The following CTNNA2 variants were observed in gnomAD, a reference collection of about 807,000 sequenced individuals.
The protein encoded by CTNNA2 is catenin alpha 2, also known as catenin alpha-2.
Under a neutral mutation model 101.0 loss-of-function variants are expected in CTNNA2, and 42 were observed. The ratio of observed to expected loss-of-function variants is 0.42; its 90% CI spans 0.32 to 0.54. The LOEUF (loss-of-function observed/expected upper bound fraction) is 0.54, where lower values mean the gene tolerates loss of function less well. Among genes scored for constraint, CTNNA2 ranks in the 20% least tolerant of loss-of-function variants. The probability of loss-of-function intolerance (pLI) is 0.14; values close to 1 mark genes in which losing one functional copy is unlikely to be tolerated. For synonymous variants in CTNNA2, 450 were observed against 456.4 expected, an observed-to-expected ratio of 0.99 and a Z score of 0.18; for missense variants, 871 against 1,223.1, an observed-to-expected ratio of 0.71 and a Z score of 4.29.
chr2:79,812,858 A>G (rs1574033542), intron 3 of CTNNA2, among the ~76,000 whole-genome samples: 1 of 152,246 alleles, frequency 6.6e-6, no homozygotes, highest in Non-Finnish European at 1.5e-5. Context: ...TAAGTAGGTC[A>G]TGCCAACTTC....
chr2:79,280,380 C>T (rs1385422908), intron 2 of CTNNA2, among the ~76,000 whole-genome samples: 7 of 152,102 alleles, frequency 4.6e-5, no homozygotes, highest in Non-Finnish European at 1.5e-5. Context: ...ACAGCCTTGA[C>T]TGCTGTCTGC....
intron 7 of CTNNA2, among the ~76,000 whole-genome samples, chr2:80,046,044 T>C (rs531187001): frequency 6.6e-5 from 10 of 152,308 alleles, no homozygotes; most frequent in Non-Finnish European, 1.5e-4. Flanking sequence ...AAGGCCAGTG[T>C]CCCACTGCTT....
intron 8 of CTNNA2, among the ~76,000 whole-genome samples, chr2:80,414,823 A>G (rs1164261179): frequency 6.6e-6 from 1 of 152,180 alleles, no homozygotes; most frequent in African/African-American, 2.4e-5. Context: ...GAATTTGACA[A>G]TAGGTCTTCT....
chr2:80,085,635 C>T (rs1285748477), intron 7 of CTNNA2, among the ~76,000 whole-genome samples: 1 of 151,914 alleles, frequency 6.6e-6, no homozygotes, highest in African/African-American at 2.4e-5. Flanking sequence ...GAGGGATTTA[C>T]TAAAGCCATT....
intron 3 of CTNNA2, among the ~76,000 whole-genome samples, chr2:79,759,663 T>C (rs1349396490): frequency 6.6e-6 from 1 of 152,128 alleles, no homozygotes; most frequent in African/African-American, 2.4e-5. Flanking sequence ...CCCTCCCACT[T>C]TTTTCTGGTT....
intron 7 of CTNNA2, among the ~76,000 whole-genome samples, chr2:80,332,523 G>A (rs937565971): frequency 1.3e-5 from 2 of 152,046 alleles, no homozygotes; most frequent in Non-Finnish European, 2.9e-5. Context: ...TAATGCTTCT[G>A]GTAGCAAAAG....
At chr2:80,301,425 C>T (rs1275560327) in intron 7 of CTNNA2, among the ~76,000 whole-genome samples, 1 of 152,174 alleles carries the variant, frequency 6.6e-6, no homozygotes, top group Non-Finnish European at 1.5e-5. Flanking sequence ...GAACAGGTGG[C>T]ATTTGGGGAT....
intron 8 of CTNNA2, among the ~76,000 whole-genome samples, chr2:80,415,335 A>G (rs1679946855): frequency 6.6e-6 from 1 of 152,110 alleles, no homozygotes; most frequent in Non-Finnish European, 1.5e-5. Context: ...GCATGACAAG[A>G]TATTTCAAGC....
chr2:79,653,883 G>T (rs747285592), intron 2 of CTNNA2, among the ~76,000 whole-genome samples: 3 of 152,070 alleles, frequency 2.0e-5, no homozygotes, highest in African/African-American at 7.2e-5. Context: ...GTAGGAATCC[G>T]TCCAGCTGAG....
chr2:80,571,147 C>A (rs1164625142), intron 12 of CTNNA2, among the ~76,000 whole-genome samples: 2 of 152,190 alleles, frequency 1.3e-5, no homozygotes, highest in African/African-American at 4.8e-5. Context: ...ACCTTTTTCA[C>A]CCCTTTATAT....
intron 3 of CTNNA2, among the ~76,000 whole-genome samples, chr2:79,762,307 C>T (rs182658766): frequency 1.3e-5 from 2 of 152,180 alleles, no homozygotes; most frequent in East Asian, 1.9e-4. Context: ...GGCCAAGAGT[C>T]GGGAAAGACA....
intron 1 of CTNNA2, among the ~76,000 whole-genome samples, chr2:79,534,206 A>G (rs926134081): frequency 2.6e-5 from 4 of 152,130 alleles, no homozygotes; most frequent in African/African-American, 9.6e-5. Context: ...CCCAATTGTT[A>G]TCTATATTTA....
chr2:79,930,268 A>G (rs61232798), intron 7 of CTNNA2, among the ~76,000 whole-genome samples: 416 of 9,302 alleles, frequency 0.045, 2 homozygotes, highest in Middle Eastern at 0.1. Context: ...GAAAGAAAGA[A>G]AGAAAGAAAG....
intron 18 of CTNNA2, among the ~76,000 whole-genome samples, chr2:80,642,287 T>TACTTGACTCAAGGTAA: frequency 6.6e-6 from 1 of 152,272 alleles, no homozygotes; most frequent in Non-Finnish European, 1.5e-5. Flanking sequence ...CTCCTATCCC[T>TACTTGACTCAAGGTAA]ACTTGACTCA....
intron 3 of CTNNA2, among the ~76,000 whole-genome samples, chr2:79,772,347 T>G (rs1298169883): frequency 1.3e-5 from 2 of 152,168 alleles, no homozygotes; most frequent in African/African-American, 4.8e-5. Context: ...TGTTGTTTGC[T>G]CACATAAAAT....
At chr2:80,139,384 C>T (rs552658694) in intron 7 of CTNNA2, among the ~76,000 whole-genome samples, 2 of 152,228 alleles carry the variant, frequency 1.3e-5, no homozygotes, top group African/African-American at 2.4e-5. Flanking sequence ...GGATGTTGCT[C>T]TGTTGTCTCT....
rs184066469 is a variant in CTNNA2 at position 79,390,265 on chromosome 2, C to T, written c.-135+16252C>T. ...AAATAGCAATAAACAAACAACTAAA[C>T]AGAACCTGGTGGATAATTATATTGA... is the stretch of plus-strand genomic sequence containing the variant. On this transcript the variant is annotated intron_variant, in intron 4 of 21. Coordinates refer to the CTNNA2 transcript ENST00000466387. Among the ~76,000 whole-genome samples the T allele has an allele frequency of 2.0e-5, 3 of 152,330 alleles. No homozygotes were observed. The East Asian group carries it at 5.8e-4, about 29-fold the overall frequency.
intron 3 of CTNNA2, among the ~76,000 whole-genome samples, chr2:79,340,496 A>G (rs188177368): frequency 4.0e-4 from 61 of 152,284 alleles, no homozygotes; most frequent in African/African-American, 1.3e-3. Context: ...ATCAGCCCCA[A>G]TATGAAGGAA....
intron 13 of CTNNA2, among the ~76,000 whole-genome samples, chr2:80,580,851 C>G (rs1294748016): frequency 1.3e-5 from 2 of 152,024 alleles, no homozygotes; most frequent in African/African-American, 4.8e-5. Context: ...CTTGTCTCTA[C>G]TAAAAAATAC....
Sources: gnomAD v4.1 joint callset for allele counts (sites outside exome capture counted in the v4.1 genomes callset) on GRCh38, gnomAD v4.1.1 for gene constraint, MANE v1.5 for transcripts, NCBI Gene and HGNC (gene_info 2026-07-23, HGNC 2026-07-21) for gene names.